DELE1: variants seen among roughly 807,000 people sequenced by gnomAD.
DELE1 encodes the protein death ligand signal enhancer.
DELE1 carries 54 observed loss-of-function variants against 59.3 expected under a neutral mutation model. That is an observed-to-expected ratio of 0.91 (90% CI 0.73 to 1.14). The LOEUF is 1.14. Among genes scored for constraint, DELE1 ranks in the 50% most tolerant of loss-of-function variants. DELE1 has a pLI of 0.00. For synonymous variants in DELE1, 264 were observed against 259.1 expected (o/e 1.02, Z -0.18); for missense variants, 636 against 643.9 (o/e 0.99, Z 0.13).
intron 3 of DELE1, among the ~76,000 whole-genome samples, 168 bp downstream of exon 3, chr5:141,925,695 C>CGCCATGTA (rs1751346212): frequency 6.6e-6 from 1 of 152,148 alleles, no homozygotes; most frequent in Admixed American, 6.5e-5. Context: ...TCCACACCCC[C>CGCCATGTA]GCCATGTATG....
intron 8 of DELE1, 90 bp from the exon 9 acceptor site, chr5:141,934,146 ATTAG>A: frequency 1.0e-6 from 1 of 1,003,486 alleles, no homozygotes; most frequent in South Asian, 2.3e-5. Flanking sequence ...ATTATTATGT[ATTAG>A]TTAATTAAAA....
chr5:141,934,663 C>A (rs753465447), intron 10 of DELE1, 77 bp downstream of exon 10: 39 of 1,356,466 alleles, frequency 2.9e-5, no homozygotes, highest in South Asian at 1.1e-4. Context: ...GTACTGAGTT[C>A]TTCTGTGCTT....
In DELE1 at chr5:141,937,257, G is replaced by A. The variant is rs781041043; in HGVS notation, c.1209G>A (p.Arg403=). Residue 403 remains arginine (R), a synonymous_variant, in exon 11 of 12, where the codon AGG becomes AGA. Coordinates refer to ENST00000432126, the MANE Select transcript of DELE1 (RefSeq NM_014773.5). ...ICYEKGLGVQ[R]NLGEALRCYQ... Reference sequence around the variant, plus strand: ...ATGAGAAAGGCCTTGGTGTGCAGAGGAATCTGGGAGAGGCCTTGAGATGTT... The same window carrying A: ...ATGAGAAAGGCCTTGGTGTGCAGAGAAATCTGGGAGAGGCCTTGAGATGTT... 3 of 1,614,210 alleles carry A rather than the reference G, an allele frequency of 1.9e-6. No homozygotes were observed. The highest frequency in any genetic ancestry group is 1.7e-6 in the Non-Finnish European group (2 of 1,180,032).
At position 141,940,418 on chromosome 5, in the gene DELE1, G is replaced by C. The variant is rs971878345; in HGVS notation, c.*1659G>C. 196 of 939,358 alleles carry C rather than the reference G, an allele frequency of 2.1e-4. No homozygotes were observed. The highest frequency in any genetic ancestry group is 2.3e-4 in the Non-Finnish European group (187 of 818,274). The allele number at this position is 939,358 out of a possible 1,614,324, so 58.2% of individuals were successfully genotyped here. Reference sequence around the variant, plus strand: ...AGATGTGGTTGAGAGTGGGGTCTGGGAGGGATAGAGAGCCCACCGCCCACC... The same window carrying C: ...AGATGTGGTTGAGAGTGGGGTCTGGCAGGGATAGAGAGCCCACCGCCCACC... On this transcript the variant is annotated 3_prime_UTR_variant, in exon 12 of 12. Coordinates refer to ENST00000432126, the MANE Select transcript of DELE1 (RefSeq NM_014773.5).
Position 141,941,219 on chromosome 5 carries a change from C to A in DELE1, c.*2460C>A. On this transcript the variant is annotated 3_prime_UTR_variant, in exon 12 of 12. Coordinates refer to ENST00000432126, the MANE Select transcript of DELE1 (RefSeq NM_014773.5). ...GCTGGTTCACAGTCTGGCCACTGGG[C>A]GTCCTGTGGTGAAGGCCAGATGCAG... is the stretch of plus-strand genomic sequence containing the variant. 1.0e-6 allele frequency: 1 copy of A among 985,482 alleles called. No homozygotes were observed. Among genetic ancestry groups the A allele is most frequent in the Non-Finnish European group, 1.2e-6 (1 of 829,956 alleles). The allele number at this position is 985,482 out of a possible 1,614,324, so 61.0% of individuals were successfully genotyped here.
chr5:141,924,100 G>A (rs1561504541), intron 1 of DELE1, 128 bp downstream of exon 1: 5 of 1,256,190 alleles, frequency 4.0e-6, no homozygotes, highest in Non-Finnish European at 2.3e-6. Flanking sequence ...GGGCTTGAAA[G>A]AGGGCGGGGA....
intron 10 of DELE1, among the ~76,000 whole-genome samples, chr5:141,935,542 C>T (rs112920381): frequency 6.6e-5 from 10 of 152,320 alleles, no homozygotes; most frequent in African/African-American, 1.7e-4. Context: ...CTGATAGCTT[C>T]GTTGAACTCC....
rs1299434495 is a variant in DELE1 at position 141,938,684 on chromosome 5, G to A, written c.1473G>A (p.Leu491=). 9 of 1,614,136 alleles carry A rather than the reference G, an allele frequency of 5.6e-6. No homozygotes were observed. The highest frequency in any genetic ancestry group is 7.6e-6 in the Non-Finnish European group (9 of 1,180,024). ...LCRSGHLGAS[L]EASSRAIPPH... ...GAAGTGGGCATCTCGGAGCCAGCCT[G>A]GAAGCCTCCAGCAGGGCTATTCCCC... The change falls in exon 12 of 12, where the codon CTG becomes CTA. Residue 491 remains leucine, a synonymous_variant. Transcript: ENST00000432126.
Position 141,925,521 on chromosome 5 carries a change from A to G in DELE1, c.258A>G (p.Ile86Met). The change falls in exon 3 of 12, where the codon ATA (isoleucine) becomes ATG (methionine). Residue 86 changes from isoleucine to methionine, a missense_variant. Coordinates refer to ENST00000432126, the MANE Select transcript of DELE1 (RefSeq NM_014773.5). ...RVSPNTLWDA[I>M]SWGTLAVLAL... is the part of the protein sequence containing the mutation. ...CCCCGAACACCCTATGGGATGCCAT[A>G]TCTTGGGTAAGGCTTCCCCAGCCTG... 1 of 1,584,976 alleles carries G rather than the reference A, an allele frequency of 6.3e-7. No homozygotes were observed. The highest frequency in any genetic ancestry group is 8.6e-7 in the Non-Finnish European group (1 of 1,164,802).
Position 141,932,924 on chromosome 5 carries a change from A to C in DELE1, c.755-335A>C, listed in dbSNP as rs550750516. Among the ~76,000 whole-genome samples, 3 of 151,920 alleles carry C rather than the reference A, an allele frequency of 2.0e-5. No homozygotes were observed. In the South Asian group the frequency reaches 6.3e-4, roughly 32 times the overall value. On this transcript the variant is annotated intron_variant, in intron 7 of 11. Coordinates refer to ENST00000432126, the MANE Select transcript of DELE1 (RefSeq NM_014773.5). Reference sequence around the variant, plus strand: ...AGCCTGGCCAACATGGTGAAACCCCATCTCTACTAAAAATACAAAAGTTAG... The same window carrying C: ...AGCCTGGCCAACATGGTGAAACCCCCTCTCTACTAAAAATACAAAAGTTAG...
At chr5:141,936,611 T>C (rs1377887693) in intron 10 of DELE1, among the ~76,000 whole-genome samples, 2 of 152,144 alleles carry the variant, frequency 1.3e-5, no homozygotes, top group Non-Finnish European at 2.9e-5. Context: ...ATTTTTTTTG[T>C]ATTTTTAGAG....
chr5:141,924,740 C>A, intron 2 of DELE1, 45 bp downstream of exon 2: 1 of 1,086,294 alleles, frequency 9.2e-7, no homozygotes, highest in Non-Finnish European at 1.3e-6. Flanking sequence ...CCTAGTCACC[C>A]TTTTTTTTTA....
At chr5:141,930,095 C>T (rs1352628414) in intron 6 of DELE1, 21 bp downstream of exon 6, 6 of 1,611,746 alleles carry the variant, frequency 3.7e-6, no homozygotes, top group South Asian at 3.3e-5. Context: ...GATTTGGCCA[C>T]CTGGATCCCC....
chr5:141,935,952 A>G (rs969267877), intron 10 of DELE1, among the ~76,000 whole-genome samples: 4 of 152,186 alleles, frequency 2.6e-5, no homozygotes, highest in Non-Finnish European at 5.9e-5. Flanking sequence ...GTCTGTAGGC[A>G]TGAGTCTGTC....
At position 141,923,951 on chromosome 5, in the gene DELE1, CT is replaced by C. The variant is rs1236955700; in HGVS notation, c.11del (p.Leu4ProfsTer20). MWR[L>X]PGLLGRALPR... ...TGGTGCTGGCAGCGACATGTGGCGC[CT>C]CCCGGGACTCCTGGGCCGAGGTAAG... is the stretch of plus-strand genomic sequence containing the variant. On this transcript the variant is annotated frameshift_variant, in exon 1 of 12. Coordinates refer to ENST00000432126, the MANE Select transcript of DELE1 (RefSeq NM_014773.5). LOFTEE classifies it high-confidence loss of function. The C allele has an allele frequency of 6.2e-7, 1 of 1,608,974 alleles. No homozygotes were observed. The highest frequency in any genetic ancestry group is 8.5e-7 in the Non-Finnish European group (1 of 1,177,944).
chr5:141,924,184 A>C (rs1430968199), intron 1 of DELE1, among the ~76,000 whole-genome samples: 1 of 152,098 alleles, frequency 6.6e-6, no homozygotes, highest in Non-Finnish European at 1.5e-5. Context: ...AGTTGGTAGG[A>C]CTGTTGGGAG....
At chr5:141,937,055 T>C in intron 10 of DELE1, 143 bp from the exon 11 acceptor site, 1 of 1,508,572 alleles carries the variant, frequency 6.6e-7, no homozygotes, top group Non-Finnish European at 8.8e-7. Flanking sequence ...TGAGATCCCT[T>C]GCTATGGGGC....
In DELE1 at chr5:141,934,316, G is replaced by A. The variant is rs762778209; in HGVS notation, c.974G>A (p.Arg325Gln). The A allele has an allele frequency of 1.7e-5, 27 of 1,614,062 alleles. No individual in the cohort carries two copies. Among genetic ancestry groups the A allele is most frequent in the Admixed American group, 3.3e-5 (2 of 60,012 alleles). The change falls in exon 9 of 12, where the codon CGA (arginine) becomes CAA (glutamine). Residue 325 changes from arginine (R) to glutamine (Q), a missense_variant. Transcript: ENST00000432126. ...TACCGCTATGCCAGGTGCCTACTAC[G>A]AGACCCAGCCTCTTCGTGGAACCCT... ...AQYRYARCLL[R>Q]DPASSWNPER...
intron 3 of DELE1, among the ~76,000 whole-genome samples, chr5:141,927,162 A>C (rs556361687): frequency 5.9e-5 from 9 of 152,196 alleles, no homozygotes; most frequent in Admixed American, 5.2e-4. Context: ...ATGAGGGCAG[A>C]AATTATGTCT....
Sources: allele counts gnomAD v4.1 joint callset (sites outside exome capture counted in the v4.1 genomes callset), GRCh38; gene constraint gnomAD v4.1.1; transcripts MANE v1.5; gene names NCBI Gene and HGNC (gene_info 2026-07-23, HGNC 2026-07-21).